The following CDH4 variants were observed in gnomAD, a reference collection of about 807,000 sequenced individuals.
CDH4 encodes the protein cadherin 4.
Under a neutral mutation model 86.0 loss-of-function variants are expected in CDH4, and 33 were observed. The observed-to-expected ratio is 0.38, with a 90% CI of 0.29 to 0.51. CDH4 has a LOEUF of 0.51. Ranked by LOEUF, CDH4 falls within the 20% of genes least tolerant of loss-of-function variation. CDH4 has a pLI of 0.86. For missense variants in CDH4, 1,114 were observed against 1,307.4 expected, an observed-to-expected ratio of 0.85 and a Z score of 2.28; for synonymous variants, 555 against 549.4, an observed-to-expected ratio of 1.01 and a Z score of -0.14.
chr20:61,413,211 C>A (rs2085129290), intron 2 of CDH4, among the ~76,000 whole-genome samples: 2 of 139,782 alleles, frequency 1.4e-5, no homozygotes, highest in African/African-American at 5.1e-5. Context: ...CTGGCCCATG[C>A]TCCCTTTCCC....
chr20:61,749,231 A>G (rs554472346), intron 3 of CDH4, among the ~76,000 whole-genome samples: 4 of 152,354 alleles, frequency 2.6e-5, no homozygotes, highest in African/African-American at 9.6e-5. Context: ...TTATGCCAAA[A>G]TTGATAGAAA....
At chr20:61,833,169 A>G (rs527313703) in intron 4 of CDH4, among the ~76,000 whole-genome samples, 1 of 152,204 alleles carries the variant, frequency 6.6e-6, no homozygotes, top group East Asian at 1.9e-4. Flanking sequence ...CCACTCCAGG[A>G]TAGGAGCCAG....
chr20:61,776,254 C>T (rs1253465528), intron 4 of CDH4, among the ~76,000 whole-genome samples: 2 of 152,230 alleles, frequency 1.3e-5, no homozygotes, highest in Non-Finnish European at 2.9e-5. Context: ...TTAACACGAG[C>T]TTGGAAAGTG....
chr20:61,593,074 G>T (rs529607146), intron 2 of CDH4, among the ~76,000 whole-genome samples: 1 of 152,298 alleles, frequency 6.6e-6, no homozygotes, highest in African/African-American at 2.4e-5. Flanking sequence ...GGAAGACAAG[G>T]AAATGATTCT....
At chr20:61,775,760 C>A (rs940806770) in intron 4 of CDH4, among the ~76,000 whole-genome samples, 1 of 152,184 alleles carries the variant, frequency 6.6e-6, no homozygotes, top group Non-Finnish European at 1.5e-5. Context: ...GAGTGGGTAC[C>A]AGCGGCATCT....
At chr20:61,457,256 T>G (rs2085411942) in intron 2 of CDH4, among the ~76,000 whole-genome samples, 1 of 152,124 alleles carries the variant, frequency 6.6e-6, no homozygotes, top group African/African-American at 2.4e-5. Context: ...ACATCCCCAG[T>G]CACTTTCTCT....
rs567885369 is a variant in CDH4 at position 61,848,433 on chromosome 20, G to A, written c.732+3610G>A. ...GTCACTCAGGCTGGAATGCAGTGGT[G>A]CAATCTCAGCTTACTGTAGCCTCAA... On this transcript the variant is annotated intron_variant, in intron 5 of 15. Transcript: ENST00000614565. Among the ~76,000 whole-genome samples, 14 of 152,330 alleles carry A rather than the reference G, an allele frequency of 9.2e-5. No individual in the cohort carries two copies. The East Asian group carries it at 2.3e-3, about 25-fold the overall frequency.
At chr20:61,620,981 G>T (rs1396516714) in intron 2 of CDH4, among the ~76,000 whole-genome samples, 1 of 152,244 alleles carries the variant, frequency 6.6e-6, no homozygotes, top group Non-Finnish European at 1.5e-5. Context: ...AAGTCAGGCT[G>T]TTTGCTCTCG....
intron 2 of CDH4, among the ~76,000 whole-genome samples, chr20:61,631,717 C>A (rs1235394645): frequency 6.6e-6 from 1 of 152,230 alleles, no homozygotes; most frequent in Non-Finnish European, 1.5e-5. Flanking sequence ...GACTCAGACT[C>A]CATGAACCAC....
chr20:61,380,343 G>A (rs1257882560), intron 2 of CDH4, among the ~76,000 whole-genome samples: 1 of 152,156 alleles, frequency 6.6e-6, no homozygotes, highest in Non-Finnish European at 1.5e-5. Flanking sequence ...ATTTGCAGAT[G>A]AATCACACTC....
At chr20:61,570,484 C>G (rs1001568455) in intron 2 of CDH4, 2 of 579,066 alleles carry the variant, frequency 3.5e-6, no homozygotes, top group African/African-American at 1.9e-5. Context: ...GGCTGGGTCT[C>G]CCTCGCAGCC....
At chr20:61,723,278 A>G (rs757397408) in intron 2 of CDH4, among the ~76,000 whole-genome samples, 21 of 152,142 alleles carry the variant, frequency 1.4e-4, no homozygotes, top group Non-Finnish European at 2.2e-4. Flanking sequence ...GGGCAGCCTC[A>G]CTGGGTGAGG....
At chr20:61,857,687 T>TATTTTGAGATAATTGTAGAGTC (rs1761260890) in intron 6 of CDH4, among the ~76,000 whole-genome samples, 2 of 152,266 alleles carry the variant, frequency 1.3e-5, no homozygotes, top group Non-Finnish European at 2.9e-5. Flanking sequence ...AAAATCTTTT[T>TATTTTGAGATAATTGTAGAGTC]ATTTTGAGAT....
At chr20:61,793,347 A>AT (rs1218513843) in intron 4 of CDH4, among the ~76,000 whole-genome samples, 4 of 152,320 alleles carry the variant, frequency 2.6e-5, no homozygotes, top group Admixed American at 1.3e-4. Flanking sequence ...AACAACTTAG[A>AT]TATTATAATG....
intron 3 of CDH4, among the ~76,000 whole-genome samples, chr20:61,767,174 C>T (rs1600966124): frequency 6.6e-6 from 1 of 152,150 alleles, no homozygotes; most frequent in Non-Finnish European, 1.5e-5. Flanking sequence ...GTCATGGCTG[C>T]ACCCCGCCCC....
In CDH4 at chr20:61,489,557, C is replaced by T. The variant is rs2085614485; in HGVS notation, c.169+234620C>T. ...AAATCTAACTTGACTTGTCACTCCT[C>T]CTTCCCCAGGGGGCTGAGCCCCGAT... On this transcript the variant is annotated intron_variant, in intron 2 of 15. Coordinates refer to ENST00000614565, the MANE Select transcript of CDH4 (RefSeq NM_001794.5). Among the ~76,000 whole-genome samples the T allele has an allele frequency of 6.6e-6, 1 of 152,254 alleles. No individual in the cohort carries two copies.
In CDH4 at chr20:61,670,553, C is replaced by A. The variant is rs1269662518; in HGVS notation, c.170-73010C>A. ...GGTTCCCTACCGAATACTGGAGGTA[C>A]CATTGCCAAAAGAGGAGGGAAACAT... On this transcript the variant is annotated intron_variant, in intron 2 of 15. Transcript: ENST00000614565. 2.0e-5 allele frequency among the ~76,000 whole-genome samples: 3 copies of A among 152,170 alleles called. No homozygotes were observed. In the East Asian group the frequency reaches 5.8e-4, roughly 29 times the overall value.
At chr20:61,285,767 A>G (rs776836396) in intron 2 of CDH4, among the ~76,000 whole-genome samples, 10 of 152,258 alleles carry the variant, frequency 6.6e-5, no homozygotes, top group Non-Finnish European at 1.5e-4. Flanking sequence ...CTCTGCAGAC[A>G]TGGAACCCAA....
At chr20:61,552,131 G>A (rs1490681053) in intron 2 of CDH4, among the ~76,000 whole-genome samples, 2 of 152,026 alleles carry the variant, frequency 1.3e-5, no homozygotes. Flanking sequence ...ATAAACAGTG[G>A]ACTTCCTCAC....
Sources: allele counts gnomAD v4.1 joint callset (sites outside exome capture counted in the v4.1 genomes callset), GRCh38; gene constraint gnomAD v4.1.1; transcripts MANE v1.5; gene names NCBI Gene and HGNC (gene_info 2026-07-23, HGNC 2026-07-21).